OMA1: variants seen among roughly 807,000 people sequenced by gnomAD.
The protein encoded by OMA1 is metalloendopeptidase OMA1, mitochondrial.
Under a neutral mutation model 30.9 loss-of-function variants are expected in OMA1, and 38 were observed. The observed-to-expected ratio is 1.23, with a 90% confidence interval of 0.95 to 1.61. The LOEUF is 1.61. OMA1 is among the 40% of genes most tolerant of loss of function. The pLI is 0.00. For synonymous variants in OMA1, 173 were observed against 121.9 expected (o/e 1.42, Z -2.76); for missense variants, 461 against 349.2 (o/e 1.32, Z -2.55).
chr1:58,529,044 C>A (rs199895495), intron 6 of OMA1, among the ~76,000 whole-genome samples: 3 of 152,118 alleles, frequency 2.0e-5, no homozygotes, highest in East Asian at 1.9e-4. Context: ...CACATTAATT[C>A]TTTTAATTTC....
At chr1:58,521,533 C>G (rs1030786274) in intron 7 of OMA1, among the ~76,000 whole-genome samples, 1 of 150,542 alleles carries the variant, frequency 6.6e-6, no homozygotes, top group Non-Finnish European at 1.5e-5. Context: ...TAAAATCTAG[C>G]AAAAAAAAGA....
intron 6 of OMA1, 139 bp from the exon 7 acceptor site, chr1:58,527,474 C>T: frequency 5.2e-6 from 3 of 581,352 alleles, no homozygotes; most frequent in Non-Finnish European, 9.2e-6. Context: ...ATTAAAATAA[C>T]TCCATGATAT....
At chr1:58,527,426 G>A (rs1460600139) in intron 6 of OMA1, 91 bp from the exon 7 acceptor site, 8 of 704,072 alleles carry the variant, frequency 1.1e-5, no homozygotes, top group African/African-American at 1.8e-5. Flanking sequence ...ACAGTTTCAT[G>A]GAGTATCTAG....
At chr1:58,524,881 C>A (rs12095695) in intron 7 of OMA1, among the ~76,000 whole-genome samples, 1,548 of 152,246 alleles carry the variant, frequency 0.01, 26 homozygotes, top group African/African-American at 0.036. Flanking sequence ...ACTCAATTTA[C>A]TGGAGAGAAA....
At chr1:58,543,742 T>A (rs968876223) in intron 1 of OMA1, among the ~76,000 whole-genome samples, 1 of 152,170 alleles carries the variant, frequency 6.6e-6, no homozygotes, top group Non-Finnish European at 1.5e-5. Context: ...CAAAGGGATA[T>A]ACAAATTTAA....
intron 8 of OMA1, among the ~76,000 whole-genome samples, chr1:58,483,485 G>A (rs1450750847): frequency 3.9e-5 from 6 of 152,150 alleles, no homozygotes. Context: ...AGGTAAGCTG[G>A]AGAGTTGAAA....
intron 8 of OMA1, among the ~76,000 whole-genome samples, chr1:58,491,497 A>G (rs1444212555): frequency 6.6e-6 from 1 of 152,180 alleles, no homozygotes; most frequent in African/African-American, 2.4e-5. Flanking sequence ...AAGACCCATC[A>G]GTGTGCTGTA....
In OMA1 at chr1:58,506,202, G is replaced by A. The variant is rs950024192; in HGVS notation, c.1223C>T (p.Ala408Val). 1.0e-5 allele frequency: 9 copies of A among 867,156 alleles called. No homozygotes were observed. The African/African-American group carries it at 1.1e-4, about 11-fold the overall frequency. The allele number at this position is 867,156 out of a possible 1,614,324, so 53.7% of individuals were successfully genotyped here. The change falls in exon 8 of 9, where the codon GCA becomes GTA. Residue 408 changes from alanine (A) to valine (V), a missense_variant. By Grantham distance (64) the Ala-to-Val change is moderately conservative. Transcript: ENST00000371226. ...IGLLLAAKAC[A>V]DIRASSVFWQ... is the part of the protein sequence containing the mutation. ...AAACACTGAACTGGCTCTTATGTCT[G>A]CACAAGCCTAAAACCAAAATTAGTA...
chr1:58,535,647 C>A (rs1191367261), intron 3 of OMA1, among the ~76,000 whole-genome samples: 1 of 149,776 alleles, frequency 6.7e-6, no homozygotes, highest in East Asian at 2.0e-4. Context: ...TCAAGTGAGG[C>A]TACTGGACAT....
chr1:58,546,505 G>GCCCCT (rs1377295291), intron 1 of OMA1, 198 bp downstream of exon 1: 7 of 8,448 alleles, frequency 8.3e-4, no homozygotes, highest in African/African-American at 2.9e-3. Flanking sequence ...GGCGCCCCCC[G>GCCCCT]CCCCTCCCCT....
intron 8 of OMA1, among the ~76,000 whole-genome samples, chr1:58,487,775 G>C (rs909880253): frequency 3.3e-5 from 5 of 152,124 alleles, no homozygotes; most frequent in African/African-American, 9.6e-5. Flanking sequence ...ATCCACTCTA[G>C]CAATTCCCCT....
intron 7 of OMA1, among the ~76,000 whole-genome samples, chr1:58,518,657 T>G (rs1008704613): frequency 4.6e-5 from 7 of 150,858 alleles, no homozygotes; most frequent in African/African-American, 7.3e-5. Flanking sequence ...GACTCCAGGG[T>G]TTTTTTTCCA....
intron 7 of OMA1, among the ~76,000 whole-genome samples, chr1:58,523,046 T>C (rs1387905880): frequency 6.6e-6 from 1 of 152,200 alleles, no homozygotes; most frequent in Non-Finnish European, 1.5e-5. Flanking sequence ...TCAGAATCCT[T>C]CTGCTAGATT....
intron 8 of OMA1, 68 bp from the exon 9 acceptor site, chr1:58,481,242 A>C (rs1645477249): frequency 1.8e-6 from 1 of 542,426 alleles, no homozygotes; most frequent in Admixed American, 3.6e-5. Flanking sequence ...TGTTTCAGTA[A>C]TCCCTAATAT....
chr1:58,533,748 A>G (rs935542607), intron 5 of OMA1, among the ~76,000 whole-genome samples: 4 of 152,234 alleles, frequency 2.6e-5, no homozygotes, highest in African/African-American at 9.6e-5. Flanking sequence ...TAAGAAAAAT[A>G]TTATTCAGTA....
chr1:58,512,173 G>A (rs1339096915), intron 7 of OMA1, among the ~76,000 whole-genome samples: 2 of 152,014 alleles, frequency 1.3e-5, no homozygotes, highest in Admixed American at 6.6e-5. Flanking sequence ...CTAATCATCA[G>A]GGCAATGCAA....
At chr1:58,494,843 T>C (rs1645767732) in intron 8 of OMA1, among the ~76,000 whole-genome samples, 1 of 152,302 alleles carries the variant, frequency 6.6e-6, no homozygotes, top group African/African-American at 2.4e-5. Flanking sequence ...AGTTCAAACA[T>C]TGTGGAAGTC....
intron 8 of OMA1, among the ~76,000 whole-genome samples, chr1:58,491,377 T>C (rs1645685774): frequency 6.6e-6 from 1 of 152,090 alleles, no homozygotes; most frequent in Non-Finnish European, 1.5e-5. Context: ...AATAACCAGC[T>C]AACATCATAA....
intron 1 of OMA1, among the ~76,000 whole-genome samples, chr1:58,540,642 A>G (rs530797600): frequency 6.0e-5 from 9 of 150,684 alleles, no homozygotes; most frequent in Non-Finnish European, 8.8e-5. Flanking sequence ...CATTGTAGAA[A>G]TAAAGATTTG....
Sources: gnomAD v4.1 joint callset for allele counts (sites outside exome capture counted in the v4.1 genomes callset) on GRCh38, gnomAD v4.1.1 for gene constraint, MANE v1.5 for transcripts, NCBI Gene and HGNC (gene_info 2026-07-23, HGNC 2026-07-21) for gene names.